AMZ1: variants seen among roughly 807,000 people sequenced by gnomAD.
The protein encoded by AMZ1 is archaelysin family metallopeptidase 1.
A neutral mutation model predicts 29.9 loss-of-function variants in AMZ1; 39 were observed. That is an observed-to-expected ratio of 1.30 (90% confidence interval 1.01 to 1.70). AMZ1 has a LOEUF of 1.70. Among genes scored for constraint, AMZ1 ranks in the 40% most tolerant of loss-of-function variants. The pLI, the probability that AMZ1 is intolerant of heterozygous loss-of-function variation, is 0.00. For synonymous variants in AMZ1, 458 were observed against 304.0 expected, an observed-to-expected ratio of 1.51 and a Z score of -5.27; for missense variants, 1,041 against 680.6, an observed-to-expected ratio of 1.53 and a Z score of -5.89.
intron 3 of AMZ1, among the ~76,000 whole-genome samples, chr7:2,707,891 T>C (rs1016414147): frequency 8.1e-5 from 12 of 147,326 alleles, no homozygotes; most frequent in African/African-American, 2.3e-4. Context: ...TGGCGTGATG[T>C]CAGCTCATTG....
chr7:2,702,372 G>A (rs112121662), intron 2 of AMZ1: 3 of 244,212 alleles, frequency 1.2e-5, no homozygotes, highest in East Asian at 8.6e-5. Context: ...ATTTTGCAGC[G>A]AGGTGGCTCG....
At chr7:2,725,639 G>A (rs571153399) in intron 4 of AMZ1, among the ~76,000 whole-genome samples, 4 of 152,186 alleles carry the variant, frequency 2.6e-5, no homozygotes, top group Admixed American at 6.5e-5. Flanking sequence ...GGAGCAGCAC[G>A]TCCACACCCT....
intron 4 of AMZ1, chr7:2,728,485 A>T (rs1434452870): frequency 6.6e-6 from 1 of 152,410 alleles, no homozygotes; most frequent in African/African-American, 2.4e-5. Flanking sequence ...TACGAACATA[A>T]GAGTTAAAAA....
intron 4 of AMZ1, among the ~76,000 whole-genome samples, chr7:2,726,905 T>A (rs997058246): frequency 3.3e-5 from 5 of 152,174 alleles, no homozygotes; most frequent in Non-Finnish European, 5.9e-5. Flanking sequence ...AACCTCCACC[T>A]GCCATCCCCA....
chr7:2,731,663 G>A lies in AMZ1; in HGVS notation n.550+21847G>A, dbSNP rs375880168. 2 of 1,610,896 alleles carry A rather than the reference G, an allele frequency of 1.2e-6. No homozygotes were observed. Among genetic ancestry groups the A allele is most frequent in the African/African-American group, 1.3e-5 (1 of 74,902 alleles). On this transcript the variant is annotated intron_variant and non_coding_transcript_variant, in intron 4 of 4. Coordinates refer to the AMZ1 transcript ENST00000489665. This position sits in a 1 kb window ranked among gnomAD's most constrained non-coding sequence, Gnocchi z 6.0. ...CCGCCCACATCCACCATCTTAAAGGGGATCTTCTTAATAACGAAGTCATGC... is the reference window on the plus strand; with the variant it reads ...CCGCCCACATCCACCATCTTAAAGGAGATCTTCTTAATAACGAAGTCATGC...
chr7:2,718,292 G>A lies in AMZ1; in HGVS notation c.*5414G>A, dbSNP rs1351698763. The stretch of plus-strand genomic sequence containing the variant: ...CAGTGTCCATTTTCTCTCTCAGGCA[G>A]GGTGCTCTGCCCGCCACAGTGTGCC... On this transcript the variant is annotated 3_prime_UTR_variant, in exon 7 of 7. Transcript: ENST00000683327. Among the ~76,000 whole-genome samples the A allele has an allele frequency of 1.3e-5, 2 of 152,234 alleles. No individual in the cohort carries two copies. The highest frequency in any genetic ancestry group is 2.9e-5 in the Non-Finnish European group (2 of 68,044).
chr7:2,712,521 G>A lies in AMZ1; in HGVS notation c.1140G>A (p.Gly380=), dbSNP rs147110889. The A allele has an allele frequency of 2.4e-3, 3,877 of 1,608,274 alleles. 5 individuals are homozygous for A. The highest frequency in any genetic ancestry group is 2.8e-3 in the Non-Finnish European group (3,333 of 1,177,674). Residue 380 remains glycine, a synonymous_variant, in exon 7 of 7, where the codon GGG becomes GGA. Coordinates refer to ENST00000683327, the MANE Select transcript of AMZ1 (RefSeq NM_001384743.1). ...PDAGSHTFAS[G]PEEGLSYLAA... The stretch of plus-strand genomic sequence containing the variant: ...CCGGGAGTCACACCTTCGCCTCGGG[G>A]CCAGAGGAAGGGCTGAGCTACCTGG...
chr7:2,727,551 G>A (rs888666421), intron 4 of AMZ1, among the ~76,000 whole-genome samples: 15 of 152,034 alleles, frequency 9.9e-5, no homozygotes, highest in East Asian at 1.9e-4. Context: ...GATTCTATCC[G>A]TAAAGATGGG....
chr7:2,695,327 C>T (rs56814306), intron 1 of AMZ1, among the ~76,000 whole-genome samples: 5 of 151,940 alleles, frequency 3.3e-5, no homozygotes, highest in African/African-American at 4.8e-5. Flanking sequence ...GGTGGGCATG[C>T]GGGTCTGGGC....
chr7:2,692,255 G>T (rs1038643491), intron 1 of AMZ1, among the ~76,000 whole-genome samples: 2 of 152,120 alleles, frequency 1.3e-5, no homozygotes, highest in Non-Finnish European at 2.9e-5. Context: ...AGAGGACCGA[G>T]CTTGGCCGGG....
intron 4 of AMZ1, among the ~76,000 whole-genome samples, chr7:2,757,172 G>T (rs1045448766): frequency 8.7e-6 from 1 of 114,928 alleles, no homozygotes; most frequent in South Asian, 2.8e-4. Context: ...GTCTTGCTCT[G>T]TCACCCAGGC....
upstream of AMZ1, among the ~76,000 whole-genome samples, chr7:2,764,166 G>C (rs375340674): frequency 9.9e-5 from 15 of 152,134 alleles, no homozygotes; most frequent in African/African-American, 3.4e-4. Flanking sequence ...AAACTGAAGT[G>C]GGCTCAAGTG....
rs893911291 is a variant in AMZ1 at position 2,714,130 on chromosome 7, A to G, written c.*1252A>G. ...CAGCCTGTGGTGGAGGGTCTCTGGG[A>G]GAGAGACTTCCGGTTCTGACAGCGG... On this transcript the variant is annotated 3_prime_UTR_variant, in exon 7 of 7. Transcript: ENST00000683327. 9 of 152,192 alleles carry G rather than the reference A, an allele frequency of 5.9e-5. No individual in the cohort carries two copies. Among genetic ancestry groups the G allele is most frequent in the African/African-American group, 2.2e-4 (9 of 41,400 alleles). The allele number at this position is 152,192 out of a possible 1,614,324, so 9.4% of individuals were successfully genotyped here. A position where few individuals can be genotyped will look rare whatever the true frequency, so the allele number is the denominator to read the frequency against.
chr7:2,725,074 T>A (rs1199179725), intron 4 of AMZ1, among the ~76,000 whole-genome samples: 1 of 152,210 alleles, frequency 6.6e-6, no homozygotes, highest in Admixed American at 6.5e-5. Context: ...TGGAACTCCC[T>A]CACTTCTAGG....
chr7:2,689,517 CCT>C (rs1011032052), intron 1 of AMZ1, among the ~76,000 whole-genome samples: 7 of 152,230 alleles, frequency 4.6e-5, no homozygotes, highest in African/African-American at 1.2e-4. Flanking sequence ...CGTCCTACCC[CCT>C]GTCCCCGTCA....
intron 4 of AMZ1, among the ~76,000 whole-genome samples, chr7:2,749,326 G>C (rs979941821): frequency 6.6e-6 from 1 of 152,124 alleles, no homozygotes; most frequent in African/African-American, 2.4e-5. Flanking sequence ...GAATACTATG[G>C]AGCCATAAAA....
chr7:2,710,442 A>G (rs1788699208), intron 6 of AMZ1, among the ~76,000 whole-genome samples: 1 of 152,246 alleles, frequency 6.6e-6, no homozygotes, highest in Admixed American at 6.5e-5. Flanking sequence ...CACTGCGTAC[A>G]GGCACCAGAG....
chr7:2,743,890 AG>A (rs1295104084), intron 4 of AMZ1, among the ~76,000 whole-genome samples: 1 of 151,810 alleles, frequency 6.6e-6, no homozygotes, highest in Non-Finnish European at 1.5e-5. Flanking sequence ...CCTGGCTCGG[AG>A]GGTCCTACAC....
In AMZ1 at chr7:2,731,877, C is replaced by A. The variant is rs1789915329; in HGVS notation, n.550+22061C>A. The A allele has an allele frequency of 3.8e-6, 2 of 531,758 alleles. No homozygotes were observed. Among genetic ancestry groups the A allele is most frequent in the South Asian group, 7.3e-5 (2 of 27,272 alleles). The allele number at this position is 531,758 out of a possible 1,614,324, so 32.9% of individuals were successfully genotyped here. On this transcript the variant is annotated intron_variant and non_coding_transcript_variant, in intron 4 of 4. Coordinates refer to the AMZ1 transcript ENST00000489665. This position sits in a 1 kb window ranked among gnomAD's most constrained non-coding sequence, Gnocchi z 6.0. ...TTTTGCAACAGGTTGAACCAGAAAC[C>A]AAAAGCAAATTTCATTTATAACATT...
Sources: allele counts gnomAD v4.1 joint callset (sites outside exome capture counted in the v4.1 genomes callset), GRCh38; gene constraint gnomAD v4.1.1; non-coding constraint Gnocchi (gnomAD v3.1); transcripts MANE v1.5; gene names NCBI Gene and HGNC (gene_info 2026-07-23, HGNC 2026-07-21).